The following PLPPR1 variants were observed in gnomAD, a reference collection of about 807,000 sequenced individuals.
The protein encoded by PLPPR1 is phospholipid phosphatase related 1, also known as phospholipid phosphatase-related protein type 1.
In PLPPR1, 10 loss-of-function variants were observed where a neutral mutation model predicts 33.1. The ratio of observed to expected loss-of-function variants is 0.30; its 90% CI spans 0.19 to 0.51. PLPPR1 has a LOEUF of 0.51. PLPPR1 is among the 20% of genes least tolerant of loss of function. PLPPR1 has a pLI of 0.97. For synonymous variants in PLPPR1, 151 were observed against 151.0 expected, an observed-to-expected ratio of 1.00 and a Z score of 0.00; for missense variants, 304 against 408.1, an observed-to-expected ratio of 0.74 and a Z score of 2.20.
intron 2 of PLPPR1, among the ~76,000 whole-genome samples, chr9:101,211,927 A>T (rs1457343709): frequency 6.6e-6 from 1 of 152,236 alleles, no homozygotes; most frequent in Admixed American, 6.5e-5. Flanking sequence ...ACAAGGAAAC[A>T]AATACAGAGA....
At chr9:101,072,601 A>T (rs909109820) in intron 1 of PLPPR1, among the ~76,000 whole-genome samples, 1 of 152,196 alleles carries the variant, frequency 6.6e-6, no homozygotes, top group Admixed American at 6.5e-5. Context: ...AGATGCATTC[A>T]GTAGATGCTG....
intron 1 of PLPPR1, among the ~76,000 whole-genome samples, chr9:101,090,316 T>G (rs757684315): frequency 2.0e-5 from 3 of 152,132 alleles, no homozygotes; most frequent in Non-Finnish European, 2.9e-5. Flanking sequence ...TCAACACATA[T>G]CACCAAGTAT....
intron 1 of PLPPR1, among the ~76,000 whole-genome samples, chr9:101,111,773 G>T (rs1564147942): frequency 6.6e-6 from 1 of 152,118 alleles, no homozygotes; most frequent in Non-Finnish European, 1.5e-5. Context: ...CCACAGCAGT[G>T]CAAATGCTTG....
chr9:101,139,119 T>C (rs1225083780), intron 1 of PLPPR1, among the ~76,000 whole-genome samples: 1 of 152,160 alleles, frequency 6.6e-6, no homozygotes. Context: ...ATATAGATTA[T>C]TTCACAACAA....
chr9:101,309,811 A>T (rs1183306947), intron 5 of PLPPR1, among the ~76,000 whole-genome samples: 1 of 149,008 alleles, frequency 6.7e-6, no homozygotes, highest in African/African-American at 2.5e-5. Flanking sequence ...CTTACCTCCC[A>T]CAACAGTACT....
intron 1 of PLPPR1, among the ~76,000 whole-genome samples, chr9:101,176,892 C>T (rs912892534): frequency 6.6e-6 from 1 of 152,126 alleles, no homozygotes; most frequent in African/African-American, 2.4e-5. Context: ...GACAGGATAA[C>T]ATAGATGTTA....
chr9:101,242,284 T>C (rs1827487956), intron 2 of PLPPR1, among the ~76,000 whole-genome samples: 1 of 151,066 alleles, frequency 6.6e-6, no homozygotes, highest in African/African-American at 2.4e-5. Context: ...AATCTTGCCA[T>C]ACCCTTTTAA....
At chr9:101,296,498 A>G (rs1351572264) in intron 4 of PLPPR1, among the ~76,000 whole-genome samples, 2 of 151,984 alleles carry the variant, frequency 1.3e-5, no homozygotes, top group Admixed American at 1.3e-4. Context: ...ACACATGCAC[A>G]TGTATGTTTA....
intron 1 of PLPPR1, among the ~76,000 whole-genome samples, chr9:101,065,085 A>G (rs1830394888): frequency 6.6e-6 from 1 of 152,064 alleles, no homozygotes; most frequent in Non-Finnish European, 1.5e-5. Flanking sequence ...GGATTTGTGC[A>G]TATATTTTTA....
intron 2 of PLPPR1, among the ~76,000 whole-genome samples, chr9:101,266,183 T>A (rs1827989261): frequency 6.6e-6 from 1 of 151,850 alleles, no homozygotes; most frequent in Admixed American, 6.6e-5. Context: ...TCCCAACACT[T>A]TGGGAGGCTG....
In PLPPR1 at chr9:101,081,754, G is replaced by A. The variant is rs74632553; in HGVS notation, c.-46+52652G>A. Among the ~76,000 whole-genome samples, 775 of 152,314 alleles carry A rather than the reference G, an allele frequency of 5.1e-3. 1 individual carries two copies. Among genetic ancestry groups the A allele is most frequent in the Middle Eastern group, 0.01 (3 of 294 alleles). The stretch of plus-strand genomic sequence containing the variant: ...AGATGTATTTAAATCTTAGAAAAAG[G>A]AATGGAGATTAGGTAATAGCAGAAA... On this transcript the variant is annotated intron_variant, in intron 1 of 7. Coordinates refer to ENST00000374874, the MANE Select transcript of PLPPR1 (RefSeq NM_207299.2).
chr9:101,262,414 CAG>C (rs1489859576), intron 2 of PLPPR1, among the ~76,000 whole-genome samples: 3 of 152,136 alleles, frequency 2.0e-5, no homozygotes, highest in African/African-American at 7.2e-5. Flanking sequence ...CATTCTATTT[CAG>C]AGTCTTGTTT....
At chr9:101,165,550 C>T (rs1445295477) in intron 1 of PLPPR1, among the ~76,000 whole-genome samples, 1 of 152,130 alleles carries the variant, frequency 6.6e-6, no homozygotes, top group Non-Finnish European at 1.5e-5. Flanking sequence ...ATTTTTCTTG[C>T]AGCATGGTAT....
chr9:101,088,694 CA>C (rs1225864064), intron 1 of PLPPR1, among the ~76,000 whole-genome samples: 1 of 152,114 alleles, frequency 6.6e-6, no homozygotes, highest in East Asian at 1.9e-4. Flanking sequence ...AGCAAAAAGA[CA>C]TTTTTTTATT....
At chr9:101,119,813 G>T (rs928268922) in intron 1 of PLPPR1, among the ~76,000 whole-genome samples, 2 of 152,102 alleles carry the variant, frequency 1.3e-5, no homozygotes, top group Non-Finnish European at 2.9e-5. Context: ...TCTGGGCTCT[G>T]GAATAATAAT....
intron 2 of PLPPR1, among the ~76,000 whole-genome samples, chr9:101,192,521 G>A (rs1424607288): frequency 1.3e-5 from 2 of 152,012 alleles, no homozygotes; most frequent in Non-Finnish European, 2.9e-5. Context: ...CTTCCTTATG[G>A]GAACTTCAAG....
At chr9:101,081,715 C>T (rs986560032) in intron 1 of PLPPR1, among the ~76,000 whole-genome samples, 11 of 152,096 alleles carry the variant, frequency 7.2e-5, no homozygotes, top group African/African-American at 2.7e-4. Flanking sequence ...TTCTGCTTAA[C>T]GTAAGATGAG....
At chr9:101,161,162 A>T (rs994811597) in intron 1 of PLPPR1, among the ~76,000 whole-genome samples, 11 of 152,188 alleles carry the variant, frequency 7.2e-5, no homozygotes, top group Non-Finnish European at 1.3e-4. Context: ...CTGACTACAA[A>T]TGGAACAAGC....
chr9:101,084,636 G>A (rs1427781926), intron 1 of PLPPR1, among the ~76,000 whole-genome samples: 1 of 152,194 alleles, frequency 6.6e-6, no homozygotes, highest in African/African-American at 2.4e-5. Flanking sequence ...AGTTTGCTTT[G>A]CAAGGCTTCT....
Sources: allele counts gnomAD v4.1 joint callset (sites outside exome capture counted in the v4.1 genomes callset), GRCh38; gene constraint gnomAD v4.1.1; transcripts MANE v1.5; gene names NCBI Gene and HGNC (gene_info 2026-07-23, HGNC 2026-07-21).